TRPM1: variants seen among roughly 807,000 people sequenced by gnomAD.
TRPM1 encodes TRPM1-203 APA Isoform, Intron 10.
In TRPM1, 113 loss-of-function variants were observed where a neutral mutation model predicts 149.4. The observed-to-expected ratio is 0.76, with a 90% CI of 0.65 to 0.88. The LOEUF (loss-of-function observed/expected upper bound fraction) is 0.88. Ranked by LOEUF, TRPM1 falls within the 40% of genes least tolerant of loss-of-function variation. TRPM1 has a pLI of 0.00. For missense variants in TRPM1, 1,976 were observed against 2,038.7 expected (o/e 0.97, Z 0.59); for synonymous variants, 741 against 759.5 (o/e 0.98, Z 0.40).
chr15:31,078,721 G>A (rs1169470093), intron 2 of TRPM1, among the ~76,000 whole-genome samples: 2 of 152,168 alleles, frequency 1.3e-5, no homozygotes, highest in African/African-American at 2.4e-5. Flanking sequence ...GCAAGACAGC[G>A]AAGCCCAGCA....
At chr15:31,141,695 T>C (rs1413424863) in intron 1 of TRPM1, among the ~76,000 whole-genome samples, 3 of 152,222 alleles carry the variant, frequency 2.0e-5, no homozygotes, top group Non-Finnish European at 4.4e-5. Flanking sequence ...TTGGTTATTG[T>C]AATATGAAGA....
intron 1 of TRPM1, among the ~76,000 whole-genome samples, chr15:31,108,440 C>G (rs541387337): frequency 1.3e-5 from 2 of 152,086 alleles, no homozygotes; most frequent in South Asian, 4.1e-4. Context: ...ATCTGTATTT[C>G]TGTGTCTGTG....
chr15:31,076,111 A>AT (rs2034681100), intron 3 of TRPM1, among the ~76,000 whole-genome samples: 1 of 140,126 alleles, frequency 7.1e-6, no homozygotes. Flanking sequence ...TTGTTTCATA[A>AT]TGGCATTTCT....
chr15:31,059,127 G>A lies in TRPM1; in HGVS notation c.1263+1417C>T, dbSNP rs146746748. Among the ~76,000 whole-genome samples the A allele has an allele frequency of 3.0e-3, 451 of 152,228 alleles. 4 individuals carry two copies. Among genetic ancestry groups the A allele is most frequent in the African/African-American group, 0.01 (417 of 41,548 alleles). On this transcript the variant is annotated intron_variant, in intron 11 of 27. Transcript: ENST00000256552. ...TTAAACAGGCAACTATCAAATCCAG[G>A]AGGAACAGGGGCAGTGGAAGCAGAG...
intron 1 of TRPM1, among the ~76,000 whole-genome samples, chr15:31,089,392 T>C (rs2035153006): frequency 6.6e-6 from 1 of 152,208 alleles, no homozygotes; most frequent in Non-Finnish European, 1.5e-5. Context: ...GTATACGTTG[T>C]TTCTTCCCTA....
chr15:31,154,119 A>G (rs983263489), intron 1 of TRPM1, among the ~76,000 whole-genome samples: 2 of 152,252 alleles, frequency 1.3e-5, no homozygotes, highest in Non-Finnish European at 2.9e-5. Flanking sequence ...TGTCTACGGA[A>G]TTTAACAATT....
chr15:31,108,812 A>G (rs2141021814), intron 1 of TRPM1, among the ~76,000 whole-genome samples: 1 of 152,294 alleles, frequency 6.6e-6, no homozygotes, highest in Non-Finnish European at 1.5e-5. Context: ...TTATTTTTAA[A>G]GCTTGTTCCT....
chr15:31,050,323 G>A, intron 12 of TRPM1, 86 bp downstream of exon 12: 1 of 1,600,844 alleles, frequency 6.2e-7, no homozygotes, highest in Non-Finnish European at 8.5e-7. Context: ...CAGGGCCCTG[G>A]GTGGGACTGA....
chr15:31,114,138 C>T (rs1019017343), intron 1 of TRPM1, among the ~76,000 whole-genome samples: 10 of 152,142 alleles, frequency 6.6e-5, no homozygotes, highest in African/African-American at 2.2e-4. Context: ...TCACTAGTAC[C>T]CTTATTTTTT....
chr15:31,031,253 AG>A lies in TRPM1; in HGVS notation c.2953-97del, dbSNP rs1446247040. 2.9e-6 allele frequency: 4 copies of A among 1,379,220 alleles called. No individual in the cohort carries two copies. The East Asian group carries it at 9.2e-5, about 32-fold the overall frequency. The allele number at this position is 1,379,220 out of a possible 1,614,324, so 85.4% of individuals were successfully genotyped here. A position where few individuals can be genotyped will look rare whatever the true frequency, so the allele number is the denominator to read the frequency against. On this transcript the variant is annotated intron_variant, in intron 22 of 27. Coordinates refer to ENST00000256552, the MANE Select transcript of TRPM1 (RefSeq NM_001252024.2). ...GCTGTCTCCAATTAAGCACTTCACG[AG>A]TGCTTAATTAGGACGAAGAAAGCCT...
chr15:31,099,866 C>T (rs530855212), intron 1 of TRPM1, among the ~76,000 whole-genome samples: 6 of 152,218 alleles, frequency 3.9e-5, no homozygotes, highest in African/African-American at 1.2e-4. Flanking sequence ...GTTTTGAGAA[C>T]CTGACCAAAG....
intron 1 of TRPM1, among the ~76,000 whole-genome samples, chr15:31,087,836 T>G (rs2035044939): frequency 6.6e-6 from 1 of 152,090 alleles, no homozygotes; most frequent in African/African-American, 2.4e-5. Context: ...AATGGAATGG[T>G]GGCCGCCAGG....
chr15:31,066,699 CA>C (rs2034386655), intron 6 of TRPM1, among the ~76,000 whole-genome samples: 1 of 152,172 alleles, frequency 6.6e-6, no homozygotes, highest in Non-Finnish European at 1.5e-5. Flanking sequence ...AGCCAATCCC[CA>C]AAGGTTACAT....
chr15:31,043,786 T>C (rs2140932571), intron 16 of TRPM1, among the ~76,000 whole-genome samples: 1 of 152,230 alleles, frequency 6.6e-6, no homozygotes, highest in Non-Finnish European at 1.5e-5. Flanking sequence ...TTCAATAACA[T>C]CTAATATTAT....
At chr15:31,011,221 A>T (rs2032172730) in intron 27 of TRPM1, among the ~76,000 whole-genome samples, 1 of 152,178 alleles carries the variant, frequency 6.6e-6, no homozygotes, top group African/African-American at 2.4e-5. Context: ...TATTTTAAAT[A>T]TTCATTGTGC....
At chr15:31,089,027 A>T (rs552939319) in intron 1 of TRPM1, among the ~76,000 whole-genome samples, 152 of 152,334 alleles carry the variant, frequency 1.0e-3, no homozygotes, top group Non-Finnish European at 1.8e-3. Context: ...TGAGGCACTC[A>T]AATGGGGGTA....
chr15:31,160,997 C>T (rs752216313), exon 1 of TRPM1: 5 of 1,533,558 alleles, frequency 3.3e-6, no homozygotes, highest in Non-Finnish European at 4.4e-6. Context: ...TGCTGACTCC[C>T]TCGGGTGGCC....
chr15:31,035,056 G>A (rs2140917462), intron 21 of TRPM1, among the ~76,000 whole-genome samples: 1 of 152,352 alleles, frequency 6.6e-6, no homozygotes, highest in South Asian at 2.1e-4. Context: ...TCAGGCTGGA[G>A]TGCAGTGGCG....
At chr15:31,078,432 T>C (rs2140979457) in intron 2 of TRPM1, among the ~76,000 whole-genome samples, 1 of 152,334 alleles carries the variant, frequency 6.6e-6, no homozygotes, top group East Asian at 1.9e-4. Context: ...AAGATCCAAG[T>C]CGGCTTGTTA....
Sources: allele counts gnomAD v4.1 joint callset (sites outside exome capture counted in the v4.1 genomes callset), GRCh38; gene constraint gnomAD v4.1.1; transcripts MANE v1.5; gene names NCBI Gene and HGNC (gene_info 2026-07-23, HGNC 2026-07-21).